The following BABAM2 variants were observed in gnomAD, a reference collection of about 807,000 sequenced individuals.
BABAM2 encodes BRISC and BRCA1 A complex member 2, also known as BRISC and BRCA1-A complex member 2.
Under a neutral mutation model 54.7 loss-of-function variants are expected in BABAM2, and 31 were observed. That is an observed-to-expected ratio of 0.57 (90% CI 0.43 to 0.77). The LOEUF (loss-of-function observed/expected upper bound fraction) is 0.77. Ranked by LOEUF, BABAM2 falls within the 30% of genes least tolerant of loss-of-function variation. BABAM2 has a pLI of 0.00. For synonymous variants in BABAM2, 167 were observed against 162.9 expected, an observed-to-expected ratio of 1.03 and a Z score of -0.19; for missense variants, 364 against 455.8, an observed-to-expected ratio of 0.80 and a Z score of 1.83.
intron 6 of BABAM2, among the ~76,000 whole-genome samples, chr2:28,096,349 T>G (rs1224461212): frequency 6.6e-6 from 1 of 150,508 alleles, no homozygotes; most frequent in Admixed American, 6.6e-5. Context: ...ATAGGAAAGT[T>G]ACAACAATTT....
chr2:27,991,932 A>G (rs932267670), intron 4 of BABAM2, among the ~76,000 whole-genome samples: 8 of 152,194 alleles, frequency 5.3e-5, no homozygotes, highest in African/African-American at 1.9e-4. Context: ...AGGAAATACC[A>G]AACTGTTTTC....
intron 6 of BABAM2, among the ~76,000 whole-genome samples, chr2:28,053,439 G>T (rs2148625561): frequency 6.6e-6 from 1 of 152,158 alleles, no homozygotes; most frequent in East Asian, 1.9e-4. Context: ...AATAGGAGTG[G>T]GCATACTTTT....
chr2:28,051,769 C>T (rs1036003320), intron 6 of BABAM2, among the ~76,000 whole-genome samples: 6 of 152,062 alleles, frequency 3.9e-5, no homozygotes, highest in African/African-American at 7.2e-5. Context: ...TTGCCTCAGC[C>T]TTCCGACTAG....
At chr2:27,958,721 C>T (rs1264756418) in intron 3 of BABAM2, among the ~76,000 whole-genome samples, 6 of 151,944 alleles carry the variant, frequency 3.9e-5, no homozygotes, top group Admixed American at 2.6e-4. Context: ...AGCTTCTTGC[C>T]TAACAAATAC....
Position 27,977,338 on chromosome 2 carries a change from C to T in BABAM2, c.206-10655C>T, listed in dbSNP as rs535587547. On this transcript the variant is annotated intron_variant, in intron 3 of 11. Coordinates refer to ENST00000379624, the MANE Select transcript of BABAM2 (RefSeq NM_199191.3). Reference sequence around the variant, plus strand: ...GTTTATAATTTGAAGTTAGGAGTGCCAACCCAAAATTGGAGTAGAATCTAA... The same window carrying T: ...GTTTATAATTTGAAGTTAGGAGTGCTAACCCAAAATTGGAGTAGAATCTAA... Among the ~76,000 whole-genome samples, 24 of 152,210 alleles carry T rather than the reference C, an allele frequency of 1.6e-4. No homozygotes were observed. In the South Asian group the frequency reaches 5.0e-3, roughly 32 times the overall value.
chr2:28,183,990 A>G (rs1427694566), intron 7 of BABAM2, among the ~76,000 whole-genome samples: 1 of 152,132 alleles, frequency 6.6e-6, no homozygotes, highest in African/African-American at 2.4e-5. Flanking sequence ...GCTTGTATTC[A>G]CACAAAACTA....
At chr2:28,202,627 G>A (rs1160205630) in intron 7 of BABAM2, among the ~76,000 whole-genome samples, 1 of 152,028 alleles carries the variant, frequency 6.6e-6, no homozygotes, top group Non-Finnish European at 1.5e-5. Context: ...TTTTAGTTGG[G>A]GCTTTTGTTC....
At chr2:28,096,366 T>C (rs1243386089) in intron 6 of BABAM2, among the ~76,000 whole-genome samples, 1 of 133,736 alleles carries the variant, frequency 7.5e-6, no homozygotes, top group Admixed American at 7.0e-5. Context: ...ATTTTAGGTA[T>C]TGTTGATCAG....
intron 10 of BABAM2, among the ~76,000 whole-genome samples, chr2:28,273,280 G>A (rs1276871920): frequency 6.6e-6 from 1 of 152,192 alleles, no homozygotes; most frequent in Non-Finnish European, 1.5e-5. Context: ...TTCATGCCCT[G>A]ACTACGTCAG....
At chr2:28,331,609 A>T (rs540501673) in intron 11 of BABAM2, among the ~76,000 whole-genome samples, 1 of 152,352 alleles carries the variant, frequency 6.6e-6, no homozygotes, top group Admixed American at 6.5e-5. Flanking sequence ...AATCAAAACC[A>T]CAATGAGATA....
rs188727441 is a variant in BABAM2, at chr2:28,005,554, G to A, written c.300+17467G>A. On this transcript the variant is annotated intron_variant, in intron 4 of 11. Transcript: ENST00000379624. ...AAGGACTAAGGGTGTTTTGAAAATTGATAAATTTTTAAGCCAGATTAAACA... is the reference window on the plus strand; with the variant it reads ...AAGGACTAAGGGTGTTTTGAAAATTAATAAATTTTTAAGCCAGATTAAACA... Among the ~76,000 whole-genome samples, 1,031 of 152,182 alleles carry A rather than the reference G, an allele frequency of 6.8e-3. 11 individuals are homozygous for A. Among genetic ancestry groups the A allele is most frequent in the African/African-American group, 0.024 (978 of 41,550 alleles).
intron 3 of BABAM2, among the ~76,000 whole-genome samples, chr2:27,947,648 GCT>G (rs746355906): frequency 2.0e-5 from 3 of 151,992 alleles, no homozygotes; most frequent in Non-Finnish European, 2.9e-5. Flanking sequence ...CCTGACTGTG[GCT>G]TGTCTTTTTA....
At chr2:28,042,820 A>C (rs1002247809) in intron 5 of BABAM2, among the ~76,000 whole-genome samples, 6 of 151,924 alleles carry the variant, frequency 3.9e-5, no homozygotes, top group African/African-American at 7.2e-5. Context: ...GTCAGGAGAT[A>C]AAGACCATCC....
chr2:28,259,782 A>G (rs1010862613), intron 10 of BABAM2, among the ~76,000 whole-genome samples: 8 of 151,402 alleles, frequency 5.3e-5, no homozygotes, highest in Non-Finnish European at 1.2e-4. Context: ...GGTAAGGGAC[A>G]TGGTTTTTTT....
chr2:28,258,092 G>A (rs1414536098), intron 10 of BABAM2, among the ~76,000 whole-genome samples: 1 of 152,086 alleles, frequency 6.6e-6, no homozygotes, highest in Admixed American at 6.6e-5. Flanking sequence ...CAGGAGAAAC[G>A]CTTGAACCCA....
chr2:27,966,522 T>C (rs148881217), intron 3 of BABAM2, among the ~76,000 whole-genome samples: 362 of 152,360 alleles, frequency 2.4e-3, no homozygotes, highest in African/African-American at 8.2e-3. Flanking sequence ...TCAGGTCTTG[T>C]TGATCTGACC....
At chr2:27,975,249 G>T (rs771608928) in intron 3 of BABAM2, among the ~76,000 whole-genome samples, 6 of 151,978 alleles carry the variant, frequency 3.9e-5, no homozygotes, top group Non-Finnish European at 5.9e-5. Context: ...TTGACAAGAT[G>T]ATTTTAAAAT....
chr2:28,233,685 A>G (rs894123167), intron 7 of BABAM2, among the ~76,000 whole-genome samples: 1 of 152,188 alleles, frequency 6.6e-6, no homozygotes, highest in African/African-American at 2.4e-5. Flanking sequence ...TAAAAAATAA[A>G]CTCTCAGTTA....
chr2:28,026,550 G>A (rs975165148), intron 5 of BABAM2, among the ~76,000 whole-genome samples: 14 of 150,734 alleles, frequency 9.3e-5, no homozygotes, highest in African/African-American at 3.4e-4. Context: ...CATGGACACA[G>A]GAAGGGGAAC....
Sources: allele counts gnomAD v4.1 joint callset (sites outside exome capture counted in the v4.1 genomes callset), GRCh38; gene constraint gnomAD v4.1.1; transcripts MANE v1.5; gene names NCBI Gene and HGNC (gene_info 2026-07-23, HGNC 2026-07-21).